The following DDC variants were observed in gnomAD, a reference collection of about 807,000 sequenced individuals.
DDC encodes dopa decarboxylase, also known as aromatic-L-amino-acid decarboxylase.
In DDC, 43 loss-of-function variants were observed where a neutral mutation model predicts 60.0. The observed-to-expected ratio is 0.72, with a 90% CI of 0.56 to 0.92. The LOEUF is 0.92. DDC is among the 40% of genes least tolerant of loss of function. DDC has a pLI of 0.00. For synonymous variants in DDC, 232 were observed against 234.6 expected (o/e 0.99, Z 0.10); for missense variants, 573 against 620.2 (o/e 0.92, Z 0.81).
intron 1 of DDC, among the ~76,000 whole-genome samples, chr7:50,560,551 G>A (rs544279724): frequency 2.8e-4 from 43 of 152,198 alleles, no homozygotes; most frequent in African/African-American, 9.2e-4. Context: ...AAGGAAAGGC[G>A]GCCAGGGAGG....
Position 50,478,700 on chromosome 7 carries a change from A to G in DDC, c.1021+1087T>C, listed in dbSNP as rs952444334. Among the ~76,000 whole-genome samples the G allele has an allele frequency of 4.6e-5, 7 of 152,324 alleles. No individual in the cohort carries two copies. The South Asian group carries it at 1.5e-3, about 32-fold the overall frequency. On this transcript the variant is annotated intron_variant, in intron 10 of 14. Coordinates refer to ENST00000444124, the MANE Select transcript of DDC (RefSeq NM_001082971.2). ...AGTAGTTTCCTCTGACAATGGTTTTACTTGAACTGTGGACTACTTAATAGG... is the reference window on the plus strand; with the variant it reads ...AGTAGTTTCCTCTGACAATGGTTTTGCTTGAACTGTGGACTACTTAATAGG...
In DDC at chr7:50,537,995, G is replaced by A; in HGVS notation, c.316-16C>T. 6.2e-7 allele frequency: 1 copy of A among 1,614,144 alleles called. No homozygotes were observed. Among genetic ancestry groups the A allele is most frequent in the South Asian group, 1.1e-5 (1 of 91,080 alleles). On this transcript the variant is annotated splice_polypyrimidine_tract_variant and intron_variant, in intron 3 of 14. Transcript: ENST00000444124. ...GGCTTGCCGCCTGTCGTGGGGGAAG[G>A]GAAGGGATTAACCGAGGGCCAGGCA...
intron 9 of DDC, among the ~76,000 whole-genome samples, chr7:50,493,656 C>T (rs1046808051): frequency 2.0e-5 from 3 of 152,096 alleles, no homozygotes; most frequent in African/African-American, 2.4e-5. Context: ...ACATTCATAA[C>T]GGCCATGTCT....
Position 50,545,736 on chromosome 7 carries a change from G to A in DDC, c.-28-1623C>T, listed in dbSNP as rs146093136. On this transcript the variant is annotated intron_variant, in intron 1 of 14. Transcript: ENST00000444124. ...GATCCACCAGCCTCGGCCTCTCAAA[G>A]TGCTGGGATTACAGGCATGAGCCAC... Among the ~76,000 whole-genome samples, 1,503 of 152,312 alleles carry A rather than the reference G, an allele frequency of 9.9e-3. 17 individuals are homozygous for A. The highest frequency in any genetic ancestry group is 0.023 in the South Asian group (111 of 4,828).
intron 2 of DDC, chr7:50,543,023 A>C (rs984893369): frequency 6.6e-6 from 1 of 152,494 alleles, no homozygotes; most frequent in African/African-American, 2.4e-5. Flanking sequence ...GTCGTTGCTC[A>C]TAGGCCTTAC....
At chr7:50,501,364 G>A (rs551344956) in intron 7 of DDC, among the ~76,000 whole-genome samples, 27 of 152,150 alleles carry the variant, frequency 1.8e-4, no homozygotes, top group Non-Finnish European at 3.7e-4. Context: ...CTTCCCCATC[G>A]GCAACCTAAC....
At chr7:50,529,099 G>A in intron 5 of DDC, 109 bp downstream of exon 5, 1 of 1,441,326 alleles carries the variant, frequency 6.9e-7, no homozygotes, top group Non-Finnish European at 9.7e-7. Context: ...TGATACCTGA[G>A]GAACTGTTCT....
intron 7 of DDC, 56 bp downstream of exon 7, chr7:50,503,937 A>G (rs2043320962): frequency 1.2e-5 from 15 of 1,278,698 alleles, no homozygotes; most frequent in Non-Finnish European, 1.6e-5. Context: ...AAGGTTTGCT[A>G]AATTCCCCGT....
In DDC at chr7:50,537,983, T is replaced by C; in HGVS notation, c.316-4A>G. On this transcript the variant is annotated splice_polypyrimidine_tract_variant and splice_region_variant and intron_variant, in intron 3 of 14. Coordinates refer to ENST00000444124, the MANE Select transcript of DDC (RefSeq NM_001082971.2). Reference sequence around the variant, plus strand: ...CTGTGCATGCTGGGCTTGCCGCCTGTCGTGGGGGAAGGGAAGGGATTAACC... The same window carrying C: ...CTGTGCATGCTGGGCTTGCCGCCTGCCGTGGGGGAAGGGAAGGGATTAACC... 2.5e-6 allele frequency: 4 copies of C among 1,614,106 alleles called. No homozygotes were observed. The highest frequency in any genetic ancestry group is 3.4e-6 in the Non-Finnish European group (4 of 1,180,026).
chr7:50,548,559 T>C (rs1375547791), intron 1 of DDC, among the ~76,000 whole-genome samples: 1 of 152,202 alleles, frequency 6.6e-6, no homozygotes, highest in Non-Finnish European at 1.5e-5. Context: ...TTAACTGTCT[T>C]CAATTCTATG....
intron 9 of DDC, chr7:50,492,960 T>C (rs1412892461): frequency 6.3e-7 from 1 of 1,598,346 alleles, no homozygotes; most frequent in Non-Finnish European, 8.5e-7. Flanking sequence ...CCGCACTGAC[T>C]AAGCAGGTTT....
chr7:50,516,963 G>A (rs1044422902), intron 6 of DDC, among the ~76,000 whole-genome samples: 2 of 152,086 alleles, frequency 1.3e-5, no homozygotes, highest in African/African-American at 4.8e-5. Context: ...AAAAGTCCAA[G>A]ACGAGACAGA....
chr7:50,460,071 C>T (rs1462250149), intron 14 of DDC, among the ~76,000 whole-genome samples: 1 of 145,872 alleles, frequency 6.9e-6, no homozygotes, highest in Non-Finnish European at 1.5e-5. Flanking sequence ...GGGGTCAGCC[C>T]CCCGCCCGGC....
At chr7:50,462,226 C>CAAAAAAAAAAAAAAAAAAAAAA (rs11410259) in intron 14 of DDC, among the ~76,000 whole-genome samples, 36 of 75,364 alleles carry the variant, frequency 4.8e-4, no homozygotes, top group Admixed American at 9.8e-4. Context: ...GACAAAAAGA[C>CAAAAAAAAAAAAAAAAAAAAAA]AAAAAAAAAA....
chr7:50,560,265 G>A (rs560477057), intron 1 of DDC, among the ~76,000 whole-genome samples: 2 of 152,248 alleles, frequency 1.3e-5, no homozygotes, highest in Admixed American at 6.5e-5. Context: ...AAGGAGCCTC[G>A]CCCTTGGAGT....
At chr7:50,536,712 A>G (rs559883012) in intron 4 of DDC, among the ~76,000 whole-genome samples, 1 of 152,386 alleles carries the variant, frequency 6.6e-6, no homozygotes, top group African/African-American at 2.4e-5. Flanking sequence ...CACAACATCA[A>G]TAGAAACAAA....
At chr7:50,512,094 C>A (rs1291213401) in intron 6 of DDC, among the ~76,000 whole-genome samples, 1 of 151,964 alleles carries the variant, frequency 6.6e-6, no homozygotes, top group African/African-American at 2.4e-5. Context: ...ATAAAGCACA[C>A]AGACTGTCAG....
At chr7:50,517,943 C>T (rs2043782046) in intron 6 of DDC, among the ~76,000 whole-genome samples, 1 of 151,486 alleles carries the variant, frequency 6.6e-6, no homozygotes, top group South Asian at 2.1e-4. Flanking sequence ...GGCCTGGTGG[C>T]TCACACTTGT....
chr7:50,528,637 C>A (rs2153545751), intron 5 of DDC, among the ~76,000 whole-genome samples: 1 of 152,300 alleles, frequency 6.6e-6, no homozygotes, highest in Admixed American at 6.5e-5. Flanking sequence ...AGGCTCAAAT[C>A]TGTGCCCTGC....
Sources: allele counts gnomAD v4.1 joint callset (sites outside exome capture counted in the v4.1 genomes callset), GRCh38; gene constraint gnomAD v4.1.1; transcripts MANE v1.5; gene names NCBI Gene and HGNC (gene_info 2026-07-23, HGNC 2026-07-21).